SCGB2A1: variants seen among roughly 807,000 people sequenced by gnomAD.
The protein encoded by SCGB2A1 is secretoglobin family 2A member 1.
SCGB2A1 carries 6 observed loss-of-function variants against 9.2 expected under a neutral mutation model. The ratio of observed to expected loss-of-function variants is 0.66; its 90% CI spans 0.36 to 1.29. The LOEUF (loss-of-function observed/expected upper bound fraction) is 1.29. Ranked by LOEUF, SCGB2A1 falls within the 50% of genes most tolerant of loss-of-function variation. The pLI is 0.03. For missense variants in SCGB2A1, 138 were observed against 116.9 expected (o/e 1.18, Z -0.83); for synonymous variants, 37 against 41.0 (o/e 0.90, Z 0.37).
At chr11:62,211,072 C>T (rs1415841708) in intron 2 of SCGB2A1, among the ~76,000 whole-genome samples, 2 of 151,806 alleles carry the variant, frequency 1.3e-5, no homozygotes, top group African/African-American at 2.4e-5. Flanking sequence ...TACAGGTGTG[C>T]GCCACCACGC....
intron 2 of SCGB2A1, among the ~76,000 whole-genome samples, chr11:62,210,920 G>A (rs539923239): frequency 0.024 from 2,945 of 121,860 alleles, 95 homozygotes; most frequent in African/African-American, 0.076. Context: ...GACAGGCATC[G>A]GCATTTTTTT....
rs757838444 is a variant in SCGB2A1, at chr11:62,210,439, A to C, written c.82A>C (p.Met28Leu). ...ADSGCKLLED[M>L]VEKTINSDIS... ...TTCTGGCTGCAAACTCCTGGAGGAC[A>C]TGGTTGAAAAGACCATCAATTCCGA... The change falls in exon 2 of 3, where the codon ATG becomes CTG. Residue 28 changes from methionine to leucine, a missense_variant. Physicochemically the swap from Met to Leu is conservative, Grantham distance 15. Transcript: ENST00000244930. 4.5e-6 allele frequency: 7 copies of C among 1,554,576 alleles called. No homozygotes were observed. The highest frequency in any genetic ancestry group is 4.2e-5 in the Admixed American group (2 of 48,010).
At position 62,213,699 on chromosome 11, in the gene SCGB2A1, C is replaced by T; in HGVS notation, c.244-27C>T. On this transcript the variant is annotated intron_variant, in intron 2 of 2. Transcript: ENST00000244930. ...TGATTTAATAAGTGAAATTTGCAAA[C>T]CTAAGTGACCTGCTTTTGTTTTCCA... is the stretch of plus-strand genomic sequence containing the variant. The T allele has an allele frequency of 3.1e-6, 5 of 1,601,772 alleles. No individual in the cohort carries two copies. In the South Asian group the frequency reaches 5.7e-5, roughly 18 times the overall value.
rs1458564246 is a variant in SCGB2A1, at chr11:62,213,069, T to C, written c.244-657T>C. 9.6e-3 allele frequency among the ~76,000 whole-genome samples: 494 copies of C among 51,210 alleles called. 8 individuals carry two copies. Among genetic ancestry groups the C allele is most frequent in the East Asian group, 0.032 (83 of 2,574 alleles). 33.6% of individuals were successfully genotyped at this position (51,210 alleles called of 152,430 possible). On this transcript the variant is annotated intron_variant, in intron 2 of 2. Coordinates refer to ENST00000244930, the MANE Select transcript of SCGB2A1 (RefSeq NM_002407.3). The stretch of plus-strand genomic sequence containing the variant: ...ATATATACACATATATACACATATA[T>C]ACATATATACACATATATACACATA...
Position 62,213,888 on chromosome 11 carries a change from CTG to C in SCGB2A1, c.*120_*121del. On this transcript the variant is annotated 3_prime_UTR_variant, in exon 3 of 3. Coordinates refer to ENST00000244930, the MANE Select transcript of SCGB2A1 (RefSeq NM_002407.3). ...TTTTTATGTGGAAACTGCTAGACAA[CTG>C]TTGAAACCTCAAATTCATTTCCATT... 1.4e-6 allele frequency: 1 copy of C among 711,682 alleles called. No individual in the cohort carries two copies. Among genetic ancestry groups the C allele is most frequent in the East Asian group, 2.7e-5 (1 of 37,242 alleles). The allele number at this position is 711,682 out of a possible 1,614,324, so 44.1% of individuals were successfully genotyped here. A position where few individuals can be genotyped will look rare whatever the true frequency, so the allele number is the denominator to read the frequency against.
intron 1 of SCGB2A1, among the ~76,000 whole-genome samples, chr11:62,209,856 G>A (rs894069614): frequency 1.3e-5 from 2 of 152,012 alleles, no homozygotes; most frequent in Non-Finnish European, 2.9e-5. Flanking sequence ...TAAATTTTTT[G>A]TAGAGATGAG....
intron 1 of SCGB2A1, among the ~76,000 whole-genome samples, chr11:62,209,458 G>A (rs1156652969): frequency 6.6e-6 from 1 of 152,126 alleles, no homozygotes; most frequent in Non-Finnish European, 1.5e-5. Flanking sequence ...TACCGTATTG[G>A]CATCCAAGGT....
At chr11:62,212,554 G>A (rs1944838792) in intron 2 of SCGB2A1, among the ~76,000 whole-genome samples, 1 of 151,938 alleles carries the variant, frequency 6.6e-6, no homozygotes, top group African/African-American at 2.4e-5. Context: ...AGAATTACTT[G>A]AAGCCAGGAG....
chr11:62,212,961 CATATGTACACAT>C (rs1173633179), intron 2 of SCGB2A1, among the ~76,000 whole-genome samples: 1 of 143,094 alleles, frequency 7.0e-6, no homozygotes, highest in East Asian at 1.9e-4. Context: ...CATATGTACA[CATATGTACACAT>C]ATATGTGCAC....
rs188914055 is a variant in SCGB2A1, at chr11:62,213,914, T to C, written c.*144T>C. 9.6e-6 allele frequency: 6 copies of C among 623,846 alleles called. No homozygotes were observed. In the Admixed American group the frequency reaches 1.5e-4, roughly 15 times the overall value. The allele number at this position is 623,846 out of a possible 1,614,324, so 38.6% of individuals were successfully genotyped here. A position where few individuals can be genotyped will look rare whatever the true frequency, so the allele number is the denominator to read the frequency against. On this transcript the variant is annotated 3_prime_UTR_variant, in exon 3 of 3. Transcript: ENST00000244930. ...TGTTGAAACCTCAAATTCATTTCCA[T>C]TTCAATAAACTAACTGCAAATCACT... is the stretch of plus-strand genomic sequence containing the variant.
chr11:62,208,966 T>C (rs1016239757), intron 1 of SCGB2A1, among the ~76,000 whole-genome samples, 180 bp downstream of exon 1: 1 of 152,190 alleles, frequency 6.6e-6, no homozygotes, highest in Admixed American at 6.5e-5. Context: ...CCTCATGGGC[T>C]GTCCCCTGCA....
At chr11:62,212,209 T>G (rs561793624) in intron 2 of SCGB2A1, among the ~76,000 whole-genome samples, 2 of 151,930 alleles carry the variant, frequency 1.3e-5, no homozygotes, top group Admixed American at 1.3e-4. Flanking sequence ...ATTTTTTTTT[T>G]AAGAATTTAT....
chr11:62,209,323 C>A (rs1188403351), intron 1 of SCGB2A1, among the ~76,000 whole-genome samples: 2 of 152,138 alleles, frequency 1.3e-5, no homozygotes, highest in Non-Finnish European at 2.9e-5. Context: ...GAACTCACAA[C>A]CCCTGGAGTC....
chr11:62,213,445 T>C (rs1944855167), intron 2 of SCGB2A1: 1 of 346,782 alleles, frequency 2.9e-6, no homozygotes, highest in South Asian at 6.0e-5. Flanking sequence ...AGCATATTTA[T>C]TGGATAAGTT....
intron 1 of SCGB2A1, among the ~76,000 whole-genome samples, chr11:62,209,219 CTG>C (rs1003399913): frequency 2.0e-5 from 3 of 152,140 alleles, no homozygotes; most frequent in Non-Finnish European, 4.4e-5. Flanking sequence ...GTCTCTCACC[CTG>C]TGTGGCTCAC....
intron 2 of SCGB2A1, among the ~76,000 whole-genome samples, chr11:62,213,091 C>CAA (rs57411910): frequency 7.2e-5 from 1 of 13,856 alleles, no homozygotes; most frequent in East Asian, 4.6e-3. Context: ...CATATATACA[C>CAA]ATATATATAT....
intron 2 of SCGB2A1, among the ~76,000 whole-genome samples, chr11:62,213,106 A>ATTATATATTT (rs1944851924): frequency 1.7e-5 from 2 of 116,252 alleles, no homozygotes; most frequent in South Asian, 5.3e-4. Context: ...ATATATATAT[A>ATTATATATTT]TTTTTTTTTT....
chr11:62,209,716 T>A (rs577436813), intron 1 of SCGB2A1, among the ~76,000 whole-genome samples: 1 of 151,726 alleles, frequency 6.6e-6, no homozygotes, highest in South Asian at 2.1e-4. Flanking sequence ...AGGCTGGGAC[T>A]GGGACTGGTG....
intron 2 of SCGB2A1, among the ~76,000 whole-genome samples, chr11:62,213,163 TG>T (rs1944852973): frequency 1.3e-5 from 2 of 148,250 alleles, no homozygotes; most frequent in Admixed American, 1.4e-4. Flanking sequence ...TTTAAACTCC[TG>T]GGGTCAAGCA....
Sources: allele counts gnomAD v4.1 joint callset (sites outside exome capture counted in the v4.1 genomes callset), GRCh38; gene constraint gnomAD v4.1.1; transcripts MANE v1.5; gene names NCBI Gene and HGNC (gene_info 2026-07-23, HGNC 2026-07-21).